ROBO1: variants seen among roughly 807,000 people sequenced by gnomAD.
ROBO1 encodes the protein roundabout guidance receptor 1.
Under a neutral mutation model 195.9 loss-of-function variants are expected in ROBO1, and 149 were observed. That is an observed-to-expected ratio of 0.76 (90% CI 0.67 to 0.87). ROBO1 has a LOEUF of 0.87. ROBO1 is among the 40% of genes least tolerant of loss of function. ROBO1 has a pLI of 0.00. For missense variants in ROBO1, 1,933 were observed against 2,068.3 expected (o/e 0.93, Z 1.27); for synonymous variants, 816 against 733.2 (o/e 1.11, Z -1.82).
intron 3 of ROBO1, among the ~76,000 whole-genome samples, chr3:79,086,900 G>C (rs998349340): frequency 2.0e-5 from 3 of 151,810 alleles, no homozygotes; most frequent in Non-Finnish European, 4.4e-5. Context: ...ACCTTTTATA[G>C]GAGCATTTTG....
At chr3:79,086,114 T>G (rs1224027717) in intron 3 of ROBO1, among the ~76,000 whole-genome samples, 3 of 141,454 alleles carry the variant, frequency 2.1e-5, no homozygotes, top group African/African-American at 7.5e-5. Context: ...CAAATGGAGT[T>G]TTTTTTTTTT....
intron 2 of ROBO1, among the ~76,000 whole-genome samples, chr3:79,276,547 A>G (rs900051659): frequency 1.3e-5 from 2 of 151,974 alleles, no homozygotes; most frequent in African/African-American, 4.8e-5. Flanking sequence ...AAACTGTCTA[A>G]GACACTGGTC....
chr3:79,660,426 G>C (rs1188386697), intron 1 of ROBO1, among the ~76,000 whole-genome samples: 5 of 152,108 alleles, frequency 3.3e-5, no homozygotes, highest in African/African-American at 4.8e-5. Context: ...GTGAAAACAG[G>C]AGTGGCTACA....
intron 2 of ROBO1, among the ~76,000 whole-genome samples, chr3:79,311,009 T>C (rs910001024): frequency 2.0e-5 from 3 of 152,184 alleles, no homozygotes; most frequent in Non-Finnish European, 4.4e-5. Flanking sequence ...TCAGTATTGA[T>C]TTTCTTTTTT....
At chr3:79,173,927 A>C (rs1022021036) in intron 2 of ROBO1, among the ~76,000 whole-genome samples, 1 of 152,088 alleles carries the variant, frequency 6.6e-6, no homozygotes, top group Non-Finnish European at 1.5e-5. Flanking sequence ...GAATGCACCA[A>C]TTGACACTCT....
chr3:79,231,845 A>G (rs377367001), intron 2 of ROBO1, among the ~76,000 whole-genome samples: 1 of 152,208 alleles, frequency 6.6e-6, no homozygotes, highest in South Asian at 2.1e-4. Flanking sequence ...CTGGATAAAG[A>G]AAATGCAGTA....
chr3:78,908,622 G>T (rs981375927), intron 4 of ROBO1, among the ~76,000 whole-genome samples: 6 of 151,894 alleles, frequency 4.0e-5, no homozygotes, highest in African/African-American at 1.4e-4. Flanking sequence ...CCCTTTTGGA[G>T]AAATAGACAC....
At chr3:78,863,024 T>C (rs2034945208) in intron 4 of ROBO1, among the ~76,000 whole-genome samples, 1 of 152,212 alleles carries the variant, frequency 6.6e-6, no homozygotes, top group Non-Finnish European at 1.5e-5. Flanking sequence ...AAGAAATAAC[T>C]GACTACTTCT....
intron 1 of ROBO1, among the ~76,000 whole-genome samples, chr3:79,642,336 G>C (rs1424424813): frequency 6.6e-6 from 1 of 152,140 alleles, no homozygotes; most frequent in African/African-American, 2.4e-5. Context: ...ACTTCAGTAA[G>C]AGCAAGGGAT....
At chr3:79,550,195 G>GAAAGGAAAAGAAAAGAAAAGAAAA in intron 2 of ROBO1, among the ~76,000 whole-genome samples, 101 of 100,820 alleles carry the variant, frequency 1.0e-3, no homozygotes, top group African/African-American at 1.4e-3. Context: ...AAGAAAGAAA[G>GAAAGGAAAAGAAAAGAAAAGAAAA]GAAAAGAAAA....
At chr3:79,398,786 T>C (rs1387503471) in intron 2 of ROBO1, among the ~76,000 whole-genome samples, 1 of 152,158 alleles carries the variant, frequency 6.6e-6, no homozygotes, top group African/African-American at 2.4e-5. Flanking sequence ...CTAAAAGTAC[T>C]GATTCTCAAC....
At chr3:79,579,539 G>A (rs1943594393) in intron 2 of ROBO1, among the ~76,000 whole-genome samples, 1 of 152,172 alleles carries the variant, frequency 6.6e-6, no homozygotes. Flanking sequence ...AGCAATGAGA[G>A]ATTGGTCCGA....
intron 3 of ROBO1, among the ~76,000 whole-genome samples, chr3:79,091,976 T>C (rs2079487115): frequency 6.6e-6 from 1 of 152,116 alleles, no homozygotes; most frequent in Admixed American, 6.5e-5. Flanking sequence ...AGTGATGTAA[T>C]CTGATTTAAG....
intron 3 of ROBO1, among the ~76,000 whole-genome samples, chr3:79,038,108 T>A (rs1158343678): frequency 1.3e-5 from 2 of 152,170 alleles, no homozygotes; most frequent in African/African-American, 4.8e-5. Flanking sequence ...AATAAAATAA[T>A]TGAAGATGAT....
intron 2 of ROBO1, among the ~76,000 whole-genome samples, chr3:79,472,444 G>A (rs552232659): frequency 2.3e-4 from 35 of 151,848 alleles, no homozygotes; most frequent in Non-Finnish European, 4.6e-4. Context: ...CTTCTAAGTG[G>A]GACTCACCTA....
chr3:78,654,261 G>GT (rs903270620), intron 18 of ROBO1, among the ~76,000 whole-genome samples: 3 of 152,166 alleles, frequency 2.0e-5, no homozygotes, highest in African/African-American at 7.2e-5. Flanking sequence ...TCCTTCTCAT[G>GT]TTGTATGAGT....
In ROBO1 at chr3:79,463,096, G is replaced by A. The variant is rs372389733; in HGVS notation, c.88+126728C>T. 5.9e-5 allele frequency among the ~76,000 whole-genome samples: 9 copies of A among 152,048 alleles called. No homozygotes were observed. The East Asian group carries it at 9.6e-4, about 16-fold the overall frequency. On this transcript the variant is annotated intron_variant, in intron 2 of 30. Transcript: ENST00000464233. ...TCACTGTCAGAACCTTTTCAAGGCC[G>A]GGCGAGGTGGCTCACGCCTGTAATC...
At chr3:78,698,219 T>C (rs1168740392) in intron 8 of ROBO1, among the ~76,000 whole-genome samples, 1 of 152,212 alleles carries the variant, frequency 6.6e-6, no homozygotes, top group Non-Finnish European at 1.5e-5. Flanking sequence ...AATTCTCAAG[T>C]AGTAAAACTA....
chr3:79,656,665 C>G (rs1429222695), intron 1 of ROBO1, among the ~76,000 whole-genome samples: 1 of 151,762 alleles, frequency 6.6e-6, no homozygotes, highest in Non-Finnish European at 1.5e-5. Context: ...GAGACTGAGG[C>G]AGGAGGATTG....
Sources: allele counts gnomAD v4.1 joint callset (sites outside exome capture counted in the v4.1 genomes callset), GRCh38; gene constraint gnomAD v4.1.1; transcripts MANE v1.5; gene names NCBI Gene and HGNC (gene_info 2026-07-23, HGNC 2026-07-21).